Variants in AUTS2 observed in about 807,000 individuals in gnomAD.
AUTS2 encodes the protein activator of transcription and developmental regulator AUTS2.
A neutral mutation model predicts 112.4 loss-of-function variants in AUTS2; 17 were observed. The observed-to-expected ratio is 0.15, with a 90% confidence interval of 0.10 to 0.23. The LOEUF is 0.23. AUTS2 is among the 10% of genes least tolerant of loss of function. The pLI, the probability that AUTS2 is intolerant of heterozygous loss-of-function variation, is 1.00. For missense variants in AUTS2, 1,510 were observed against 1,701.6 expected (o/e 0.89, Z 1.98); for synonymous variants, 751 against 702.7 (o/e 1.07, Z -1.09).
At chr7:70,385,139 C>G (rs1237771289) in intron 4 of AUTS2, among the ~76,000 whole-genome samples, 1 of 152,188 alleles carries the variant, frequency 6.6e-6, no homozygotes, top group Non-Finnish European at 1.5e-5. Context: ...TGCAGACTCT[C>G]ACAAGATGCA....
At position 70,436,777 on chromosome 7, in the gene AUTS2, T is replaced by A. The variant is rs559471035; in HGVS notation, c.690+996T>A. Reference sequence around the variant, plus strand: ...CCAGAATTTTTCTCTCCTTCTCTGCTGCCAGCCTCCAAGAGAGATCTAAAG... The same window carrying A: ...CCAGAATTTTTCTCTCCTTCTCTGCAGCCAGCCTCCAAGAGAGATCTAAAG... On this transcript the variant is annotated intron_variant, in intron 5 of 18. Transcript: ENST00000342771. The A allele has an allele frequency of 3.3e-5, 5 of 152,366 alleles. No individual in the cohort carries two copies. In the South Asian group the frequency reaches 1.0e-3, roughly 32 times the overall value. The allele number at this position is 152,366 out of a possible 1,614,324, so 9.4% of individuals were successfully genotyped here.
intron 11 of AUTS2, among the ~76,000 whole-genome samples, chr7:70,772,205 C>T (rs1342014836): frequency 6.6e-6 from 1 of 152,222 alleles, no homozygotes. Flanking sequence ...CTCCCTCTCT[C>T]TCAGCCATCC....
At chr7:69,770,801 TC>T (rs990580791) in intron 1 of AUTS2, among the ~76,000 whole-genome samples, 10 of 145,220 alleles carry the variant, frequency 6.9e-5, no homozygotes, top group Non-Finnish European at 4.6e-5. Context: ...TTGCTTTTTT[TC>T]CCCCCTCACC....
intron 1 of AUTS2, among the ~76,000 whole-genome samples, chr7:69,725,861 G>A (rs1461004324): frequency 1.3e-5 from 2 of 152,160 alleles, no homozygotes; most frequent in African/African-American, 4.8e-5. Flanking sequence ...CAGGATTTGG[G>A]CAGCAATATA....
chr7:70,724,737 G>A (rs1341589152), intron 6 of AUTS2, among the ~76,000 whole-genome samples: 9 of 152,132 alleles, frequency 5.9e-5, no homozygotes, highest in African/African-American at 1.9e-4. Context: ...GAGCCACCGC[G>A]CCCGGCCTCA....
intron 6 of AUTS2, among the ~76,000 whole-genome samples, chr7:70,741,234 A>G (rs1788087955): frequency 1.3e-5 from 2 of 152,196 alleles, no homozygotes; most frequent in East Asian, 1.9e-4. Flanking sequence ...ACAACGCTAC[A>G]TACAGTTTCC....
chr7:70,000,568 G>A (rs1263220508), intron 2 of AUTS2, among the ~76,000 whole-genome samples: 1 of 152,150 alleles, frequency 6.6e-6, no homozygotes, highest in African/African-American at 2.4e-5. Flanking sequence ...TAGAAGACTG[G>A]TATGGGGATT....
chr7:69,967,360 A>G (rs1395392605), intron 2 of AUTS2, among the ~76,000 whole-genome samples: 1 of 152,030 alleles, frequency 6.6e-6, no homozygotes, highest in African/African-American at 2.4e-5. Flanking sequence ...GACATGTGCC[A>G]TTTGTGAGGA....
intron 2 of AUTS2, among the ~76,000 whole-genome samples, chr7:69,936,004 C>T (rs1031648780): frequency 1.1e-4 from 17 of 152,198 alleles, no homozygotes; most frequent in South Asian, 4.2e-4. Context: ...TGAATTTGTG[C>T]GGCAGGGAAT....
intron 2 of AUTS2, among the ~76,000 whole-genome samples, chr7:70,022,810 TG>T: frequency 6.6e-6 from 1 of 152,266 alleles, no homozygotes; most frequent in African/African-American, 2.4e-5. Flanking sequence ...CAAAAACATT[TG>T]TACAGGCAAC....
intron 6 of AUTS2, among the ~76,000 whole-genome samples, chr7:70,754,382 T>C (rs1789057077): frequency 1.3e-5 from 2 of 151,606 alleles, no homozygotes; most frequent in South Asian, 4.2e-4. Flanking sequence ...CCCAGCTACT[T>C]GGAGACTAAG....
intron 4 of AUTS2, among the ~76,000 whole-genome samples, chr7:70,367,492 C>A (rs1792633516): frequency 6.7e-6 from 1 of 148,214 alleles, no homozygotes; most frequent in Non-Finnish European, 1.5e-5. Flanking sequence ...TGAGGCGGAG[C>A]TTGCAGTGAG....
chr7:70,492,060 T>C (rs1365151749), intron 5 of AUTS2, among the ~76,000 whole-genome samples: 1 of 152,122 alleles, frequency 6.6e-6, no homozygotes, highest in Non-Finnish European at 1.5e-5. Context: ...GCTGGATTCC[T>C]CTTCTGTTGG....
chr7:70,702,733 G>C (rs769662311), intron 6 of AUTS2, among the ~76,000 whole-genome samples: 4 of 152,086 alleles, frequency 2.6e-5, no homozygotes, highest in Non-Finnish European at 5.9e-5. Flanking sequence ...AGCCTGGGAG[G>C]TTCTAGTGGA....
At chr7:69,658,598 C>G (rs1449807881) in intron 1 of AUTS2, among the ~76,000 whole-genome samples, 1 of 152,160 alleles carries the variant, frequency 6.6e-6, no homozygotes, top group Non-Finnish European at 1.5e-5. Context: ...GTTAAACTGA[C>G]TAAGACACAC....
chr7:70,754,887 T>A (rs1789094985), intron 6 of AUTS2, among the ~76,000 whole-genome samples: 1 of 152,234 alleles, frequency 6.6e-6, no homozygotes, highest in Non-Finnish European at 1.5e-5. Flanking sequence ...TTCTTCAGGT[T>A]TGCTGCGGTA....
At chr7:70,367,577 A>AAATAATAAT (rs35678927) in intron 4 of AUTS2, among the ~76,000 whole-genome samples, 26 of 150,254 alleles carry the variant, frequency 1.7e-4, no homozygotes, top group Admixed American at 6.0e-4. Flanking sequence ...AAATTGTAAA[A>AAATAATAAT]AATAATAATA....
At chr7:69,671,525 C>CTGTGTG (rs1220200947) in intron 1 of AUTS2, among the ~76,000 whole-genome samples, 1 of 99,954 alleles carries the variant, frequency 1.0e-5, no homozygotes, top group Non-Finnish European at 2.2e-5. Flanking sequence ...GTGTGTGTGT[C>CTGTGTG]TGTGTGTGTG....
intron 5 of AUTS2, among the ~76,000 whole-genome samples, chr7:70,457,995 AGAGT>A (rs1361589838): frequency 6.6e-6 from 1 of 152,014 alleles, no homozygotes; most frequent in African/African-American, 2.4e-5. Context: ...CATTTCCAAG[AGAGT>A]GAGAGGGGCC....
Sources: gnomAD v4.1 joint callset for allele counts (sites outside exome capture counted in the v4.1 genomes callset) on GRCh38, gnomAD v4.1.1 for gene constraint, MANE v1.5 for transcripts, NCBI Gene and HGNC (gene_info 2026-07-23, HGNC 2026-07-21) for gene names.